Variants in SYNPR observed in about 807,000 individuals in gnomAD.
The protein encoded by SYNPR is synaptoporin.
In SYNPR, 23 loss-of-function variants were observed where a neutral mutation model predicts 32.9. That is an observed-to-expected ratio of 0.70 (90% CI 0.50 to 0.99). SYNPR has a LOEUF of 0.99. Among genes scored for constraint, SYNPR ranks in the 50% least tolerant of loss-of-function variants. The probability of loss-of-function intolerance (pLI) is 0.00; values close to 1 mark genes in which losing one functional copy is unlikely to be tolerated. For missense variants in SYNPR, 318 were observed against 349.3 expected, an observed-to-expected ratio of 0.91 and a Z score of 0.71; for synonymous variants, 146 against 135.9, an observed-to-expected ratio of 1.07 and a Z score of -0.52.
At chr3:63,382,337 G>C in intron 2 of SYNPR, among the ~76,000 whole-genome samples, 1 of 152,184 alleles carries the variant, frequency 6.6e-6, no homozygotes, top group East Asian at 1.9e-4. Context: ...GGATTTGGAG[G>C]TGAGAGTGAG....
At chr3:63,504,044 C>T (rs1204233184) in intron 3 of SYNPR, among the ~76,000 whole-genome samples, 1 of 152,006 alleles carries the variant, frequency 6.6e-6, no homozygotes, top group Non-Finnish European at 1.5e-5. Context: ...TTTTCATACG[C>T]ACATTTCCAA....
chr3:63,411,701 T>C (rs1285939705), intron 2 of SYNPR, among the ~76,000 whole-genome samples: 1 of 151,998 alleles, frequency 6.6e-6, no homozygotes, highest in East Asian at 1.9e-4. Context: ...ACATGGCACA[T>C]TTGAAGAACT....
the SYNPR span, among the ~76,000 whole-genome samples, chr3:63,209,099 G>C: frequency 6.6e-6 from 1 of 151,902 alleles, no homozygotes; most frequent in Non-Finnish European, 1.5e-5. Flanking sequence ...GGAAATATAG[G>C]CATCCTTTTA....
intron 3 of SYNPR, among the ~76,000 whole-genome samples, chr3:63,537,115 G>A (rs192596231): frequency 1.6e-4 from 24 of 152,048 alleles, no homozygotes; most frequent in East Asian, 9.7e-4. Context: ...AAAGGGTGAC[G>A]ATATGTTAAT....
intron 2 of SYNPR, among the ~76,000 whole-genome samples, chr3:63,415,439 TA>T (rs2088527962): frequency 6.6e-6 from 1 of 152,122 alleles, no homozygotes; most frequent in South Asian, 2.1e-4. Context: ...TTTACGTTTT[TA>T]AAGGTTATTT....
At chr3:63,497,181 A>G (rs1184195380) in intron 3 of SYNPR, among the ~76,000 whole-genome samples, 2 of 152,194 alleles carry the variant, frequency 1.3e-5, no homozygotes, top group Non-Finnish European at 2.9e-5. Flanking sequence ...AATCACCCAA[A>G]TTAACAAATT....
intron 2 of SYNPR, among the ~76,000 whole-genome samples, chr3:63,336,519 C>CAAAAAAAAAAAAAAAAAAAAAAAA (rs3082131): frequency 6.1e-5 from 3 of 48,816 alleles, no homozygotes; most frequent in Non-Finnish European, 1.2e-4. Flanking sequence ...CATTCCCATG[C>CAAAAAAAAAAAAAAAAAAAAAAAA]AAAAAAAAAA....
At chr3:63,523,304 G>C (rs989061216) in intron 3 of SYNPR, among the ~76,000 whole-genome samples, 1 of 152,116 alleles carries the variant, frequency 6.6e-6, no homozygotes, top group African/African-American at 2.4e-5. Context: ...TGGTGTGGGA[G>C]GAGTTTACGT....
intron 1 of SYNPR, among the ~76,000 whole-genome samples, chr3:63,249,336 C>T (rs975518392): frequency 6.6e-6 from 1 of 151,932 alleles, no homozygotes; most frequent in Non-Finnish European, 1.5e-5. Flanking sequence ...TACAAGATTG[C>T]GATAGTGTAG....
Position 63,609,284 on chromosome 3 carries a change from AG to A in SYNPR, c.569del (p.Ser190ThrfsTer7). Reference sequence around the variant, plus strand: ...ATCCAACAAATGCATGGCTATCCACAGCCCTGTTATGTCAAGCTTAAACACT... The same window carrying A: ...ATCCAACAAATGCATGGCTATCCACACCCTGTTATGTCAAGCTTAAACACT... ...QPSNKCMAIH[S>X]PVMSSLNTSV... is the part of the protein sequence containing the mutation. On this transcript the variant is annotated frameshift_variant, in exon 5 of 6. Coordinates refer to ENST00000478300, the MANE Select transcript of SYNPR (RefSeq NM_001130003.2). LOFTEE classifies it high-confidence loss of function. 1 of 1,597,864 alleles carries A rather than the reference AG, an allele frequency of 6.3e-7. No homozygotes were observed. Among genetic ancestry groups the A allele is most frequent in the Non-Finnish European group, 8.5e-7 (1 of 1,171,600 alleles).
chr3:63,545,145 T>C (rs917609512), intron 3 of SYNPR, among the ~76,000 whole-genome samples: 1 of 152,066 alleles, frequency 6.6e-6, no homozygotes, highest in African/African-American at 2.4e-5. Flanking sequence ...GAATATTCGT[T>C]ACTATGTCGC....
chr3:63,379,036 C>A (rs772233403), intron 2 of SYNPR, among the ~76,000 whole-genome samples: 17 of 152,052 alleles, frequency 1.1e-4, no homozygotes, highest in Non-Finnish European at 1.9e-4. Flanking sequence ...TTAAAAATTT[C>A]TTTTGAGACT....
intron 2 of SYNPR, among the ~76,000 whole-genome samples, chr3:63,292,407 T>C (rs1397231848): frequency 6.6e-6 from 1 of 152,176 alleles, no homozygotes; most frequent in South Asian, 2.1e-4. Context: ...CAATAAATTG[T>C]CATTTATTAT....
At chr3:63,270,118 G>T (rs770252186) in intron 3 of SYNPR, among the ~76,000 whole-genome samples, 3 of 152,186 alleles carry the variant, frequency 2.0e-5, no homozygotes, top group Non-Finnish European at 4.4e-5. Context: ...TTTGAACTGA[G>T]CATTGAGGGG....
intron 2 of SYNPR, among the ~76,000 whole-genome samples, chr3:63,391,707 T>G (rs184909280): frequency 5.3e-5 from 8 of 152,178 alleles, no homozygotes; most frequent in Non-Finnish European, 1.0e-4. Flanking sequence ...AATGAGAAAA[T>G]TGAGACAAAG....
upstream of SYNPR, among the ~76,000 whole-genome samples, chr3:63,274,502 C>A (rs983542292): frequency 6.6e-6 from 1 of 152,110 alleles, no homozygotes; most frequent in African/African-American, 2.4e-5. Context: ...CAAGATTAAC[C>A]CTCTTTGAGA....
chr3:63,548,410 G>C (rs978881443), intron 3 of SYNPR, among the ~76,000 whole-genome samples: 3 of 152,098 alleles, frequency 2.0e-5, no homozygotes, highest in Non-Finnish European at 2.9e-5. Flanking sequence ...TGCAGTGTGT[G>C]AAAGTGCTAC....
intron 3 of SYNPR, among the ~76,000 whole-genome samples, chr3:63,548,295 C>T (rs1378959282): frequency 1.3e-5 from 2 of 152,062 alleles, no homozygotes; most frequent in African/African-American, 4.8e-5. Context: ...AAGTTTTCCA[C>T]TACTCTGTGC....
chr3:63,367,951 G>GT (rs2087748309), intron 2 of SYNPR, among the ~76,000 whole-genome samples: 1 of 152,170 alleles, frequency 6.6e-6, no homozygotes, highest in African/African-American at 2.4e-5. Flanking sequence ...AGATTGGGTG[G>GT]TAAGGATCAA....
Sources: gnomAD v4.1 joint callset for allele counts (sites outside exome capture counted in the v4.1 genomes callset) on GRCh38, gnomAD v4.1.1 for gene constraint, MANE v1.5 for transcripts, NCBI Gene and HGNC (gene_info 2026-07-23, HGNC 2026-07-21) for gene names.